The following MANBA variants were observed in gnomAD, a reference collection of about 807,000 sequenced individuals.
The protein encoded by MANBA is beta-mannosidase.
A neutral mutation model predicts 111.1 loss-of-function variants in MANBA; 83 were observed. That is an observed-to-expected ratio of 0.75 (90% confidence interval 0.63 to 0.90). MANBA has a LOEUF of 0.90. Ranked by LOEUF, MANBA falls within the 40% of genes least tolerant of loss-of-function variation. MANBA has a pLI of 0.00. For missense variants in MANBA, 1,036 were observed against 1,069.0 expected (o/e 0.97, Z 0.43); for synonymous variants, 370 against 378.7 (o/e 0.98, Z 0.27).
At chr4:102,659,910 C>T (rs896907409) in intron 11 of MANBA, among the ~76,000 whole-genome samples, 5 of 152,096 alleles carry the variant, frequency 3.3e-5, no homozygotes, top group Admixed American at 1.3e-4. Flanking sequence ...CCTTCTCCAG[C>T]TACCCTCTCC....
chr4:102,705,639 G>C (rs926423558), intron 5 of MANBA, among the ~76,000 whole-genome samples: 5 of 152,178 alleles, frequency 3.3e-5, no homozygotes, highest in Admixed American at 2.0e-4. Flanking sequence ...CCCAGGAGCA[G>C]GGCAGCAGCA....
intron 1 of MANBA, chr4:102,728,357 CT>C: frequency 1.9e-6 from 1 of 530,682 alleles, no homozygotes. Flanking sequence ...TCTCTGCAGG[CT>C]TTTGCCTACA....
intron 4 of MANBA, among the ~76,000 whole-genome samples, chr4:102,718,892 G>A (rs541950959): frequency 4.6e-5 from 7 of 152,090 alleles, no homozygotes; most frequent in Non-Finnish European, 8.8e-5. Context: ...TAACAGGGGA[G>A]GGGGTGTACA....
intron 7 of MANBA, among the ~76,000 whole-genome samples, chr4:102,687,172 C>T (rs1307470830): frequency 6.6e-6 from 1 of 152,054 alleles, no homozygotes; most frequent in Non-Finnish European, 1.5e-5. Context: ...TTTTTTCCCA[C>T]CCCCACATCA....
chr4:102,748,514 A>T (rs565092750), intron 1 of MANBA, among the ~76,000 whole-genome samples: 2 of 152,340 alleles, frequency 1.3e-5, no homozygotes, highest in South Asian at 4.1e-4. Context: ...TGTTTATAAC[A>T]TCTATGGAAG....
chr4:102,664,724 C>T lies in MANBA; in HGVS notation c.1446G>A (p.Val482=), dbSNP rs1161810274. Residue 482 remains valine, a synonymous_variant, in exon 11 of 17, where the codon GTG becomes GTA. Transcript: ENST00000647097. ...TDRPIYIKDY[V]TLYVKNIREL... ...CTCTGATGTTTTTCACATAGAGTGTCACATAGTCCTTGATGTAGATTGGCC... is the reference window on the plus strand; with the variant it reads ...CTCTGATGTTTTTCACATAGAGTGTTACATAGTCCTTGATGTAGATTGGCC... 1 of 1,613,432 alleles carries T rather than the reference C, an allele frequency of 6.2e-7. No homozygotes were observed.
At chr4:102,757,189 C>A (rs1482218696) in intron 1 of MANBA, among the ~76,000 whole-genome samples, 2 of 152,116 alleles carry the variant, frequency 1.3e-5, no homozygotes, top group African/African-American at 4.8e-5. Flanking sequence ...ATTAGCCAGG[C>A]ATGGTGGCAC....
At chr4:102,755,508 C>T (rs1367987291) in intron 1 of MANBA, among the ~76,000 whole-genome samples, 3 of 152,054 alleles carry the variant, frequency 2.0e-5, no homozygotes, top group Non-Finnish European at 2.9e-5. Flanking sequence ...GACCTAAAAC[C>T]ATAAAAACCC....
In MANBA at chr4:102,760,703, G is replaced by A; in HGVS notation, c.177+15C>T. ...GGCGGGCGCAGGCTCGCCGCGGGTC[G>A]GCCGCACGCCATACCTGGATCAGGC... On this transcript the variant is annotated intron_variant, in intron 1 of 16. Transcript: ENST00000647097. The A allele has an allele frequency of 6.6e-7, 1 of 1,517,228 alleles. No homozygotes were observed. The highest frequency in any genetic ancestry group is 8.9e-7 in the Non-Finnish European group (1 of 1,125,812). The allele number at this position is 1,517,228 out of a possible 1,614,324, so 94.0% of individuals were successfully genotyped here.
At chr4:102,694,236 G>C (rs992349110) in intron 5 of MANBA, among the ~76,000 whole-genome samples, 1 of 152,046 alleles carries the variant, frequency 6.6e-6, no homozygotes, top group African/African-American at 2.4e-5. Flanking sequence ...TAAAAACACA[G>C]TATGAAGATC....
At chr4:102,728,950 G>C in intron 1 of MANBA, 1 of 779,514 alleles carries the variant, frequency 1.3e-6, no homozygotes, top group Non-Finnish European at 2.3e-6. Context: ...GGATACTCAT[G>C]TTCTGCATCC....
intron 5 of MANBA, among the ~76,000 whole-genome samples, chr4:102,696,975 A>G (rs758855151): frequency 6.6e-6 from 1 of 152,196 alleles, no homozygotes; most frequent in African/African-American, 2.4e-5. Flanking sequence ...ATGTTGGCCC[A>G]CAGTTAGTTA....
In MANBA at chr4:102,673,967, G is replaced by A; in HGVS notation, c.1064C>T (p.Ser355Leu). 6.2e-7 allele frequency: 1 copy of A among 1,610,962 alleles called. No individual in the cohort carries two copies. The highest frequency in any genetic ancestry group is 8.5e-7 in the Non-Finnish European group (1 of 1,177,162). The change falls in exon 8 of 17, where the codon TCA becomes TTA. Residue 355 changes from serine (S) to leucine (L), a missense_variant. By Grantham distance (145) the Ser-to-Leu change is moderately radical. Coordinates refer to ENST00000647097, the MANE Select transcript of MANBA (RefSeq NM_005908.4). ...INGFPIFLKGSNWIPADSFQD... is the reference protein window; with the variant it reads ...INGFPIFLKGLNWIPADSFQD... ...GAATGAATCTGCTGGGATCCAGTTT[G>A]AGCCTTTTAGAAATATGGGAAATCC...
intron 4 of MANBA, 34 bp downstream of exon 4, chr4:102,722,837 A>C: frequency 6.2e-7 from 1 of 1,607,224 alleles, no homozygotes; most frequent in Non-Finnish European, 8.5e-7. Context: ...CCCGTCCTCA[A>C]AAATAAAACC....
At chr4:102,732,011 G>A (rs189615831) in intron 1 of MANBA, among the ~76,000 whole-genome samples, 14 of 152,026 alleles carry the variant, frequency 9.2e-5, no homozygotes, top group African/African-American at 2.9e-4. Context: ...AGGTTCAAGC[G>A]ATTCTCCTGC....
chr4:102,710,189 G>C lies in MANBA; in HGVS notation c.673+4249C>G, dbSNP rs373032882. ...AATAAAGCAAGAGAAAAACATAAAA[G>C]GTACCAAATTGGAAAAGAGGAAGTA... On this transcript the variant is annotated intron_variant, in intron 5 of 16. Transcript: ENST00000647097. Among the ~76,000 whole-genome samples the C allele has an allele frequency of 4.6e-5, 7 of 151,968 alleles. No homozygotes were observed. The South Asian group carries it at 8.3e-4, about 18-fold the overall frequency.
intron 5 of MANBA, among the ~76,000 whole-genome samples, chr4:102,696,604 A>G (rs894989917): frequency 7.2e-5 from 11 of 152,216 alleles, no homozygotes; most frequent in Non-Finnish European, 1.5e-4. Flanking sequence ...GTTCAGAGGC[A>G]GGGCACATTC....
chr4:102,666,733 G>A (rs1217486694), intron 10 of MANBA: 1 of 152,140 alleles, frequency 6.6e-6, no homozygotes, highest in East Asian at 1.9e-4. Context: ...GAAGGAGTTC[G>A]ATTGTACTTT....
chr4:102,673,472 C>A (rs1050552167), intron 8 of MANBA, among the ~76,000 whole-genome samples: 39 of 150,402 alleles, frequency 2.6e-4, no homozygotes, highest in Non-Finnish European at 4.1e-4. Flanking sequence ...CACGCGACTG[C>A]ACTCCAGCCT....
Sources: gnomAD v4.1 joint callset for allele counts (sites outside exome capture counted in the v4.1 genomes callset) on GRCh38, gnomAD v4.1.1 for gene constraint, MANE v1.5 for transcripts, NCBI Gene and HGNC (gene_info 2026-07-23, HGNC 2026-07-21) for gene names.